Variants in HECW2 observed in about 807,000 individuals in gnomAD.
The protein encoded by HECW2 is E3 ubiquitin-protein ligase HECW2.
A neutral mutation model predicts 175.2 loss-of-function variants in HECW2; 61 were observed. The observed-to-expected ratio is 0.35, with a 90% CI of 0.28 to 0.43. The LOEUF is 0.43. Among genes scored for constraint, HECW2 ranks in the 20% least tolerant of loss-of-function variants. The pLI, the probability that HECW2 is intolerant of heterozygous loss-of-function variation, is 1.00. For synonymous variants in HECW2, 671 were observed against 731.0 expected, an observed-to-expected ratio of 0.92 and a Z score of 1.32; for missense variants, 1,524 against 2,000.5, an observed-to-expected ratio of 0.76 and a Z score of 4.54.
intron 13 of HECW2, among the ~76,000 whole-genome samples, chr2:196,304,419 A>C (rs1233757400): frequency 6.6e-6 from 1 of 152,204 alleles, no homozygotes; most frequent in Non-Finnish European, 1.5e-5. Context: ...ACTCTATCCC[A>C]GTGTGTGGTT....
At position 196,322,463 on chromosome 2, in the gene HECW2, G is replaced by GT. The variant is rs1204179170; in HGVS notation, c.884+14dup. The stretch of plus-strand genomic sequence containing the variant: ...ACTAATCTCAACAAGATCCCCAAAG[G>GT]TAAGGGCTGATTACCCGATGGCTTG... On this transcript the variant is annotated intron_variant, in intron 7 of 28. Coordinates refer to ENST00000644978, the MANE Select transcript of HECW2 (RefSeq NM_001348768.2). 6.2e-7 allele frequency: 1 copy of GT among 1,610,330 alleles called. No individual in the cohort carries two copies. Among genetic ancestry groups the GT allele is most frequent in the Admixed American group, 1.7e-5 (1 of 59,292 alleles).
intron 1 of HECW2, among the ~76,000 whole-genome samples, chr2:196,505,753 A>G (rs1687738027): frequency 6.6e-6 from 1 of 152,200 alleles, no homozygotes; most frequent in African/African-American, 2.4e-5. Flanking sequence ...ATACTAATAA[A>G]TTTGGATCTT....
rs755596278 is a variant in HECW2 at position 196,433,459 on chromosome 2, C to T, written c.-35-1G>A. On this transcript the variant is annotated splice_acceptor_variant, in intron 1 of 28. Coordinates refer to ENST00000644978, the MANE Select transcript of HECW2 (RefSeq NM_001348768.2). LOFTEE classifies it low-confidence loss of function (5UTR_SPLICE). ...TCTCTGGGATTGGCTGCCTACAAAG[C>T]TGCAAGAGACAGATAAACATAAAAC... The T allele has an allele frequency of 8.8e-6, 14 of 1,588,010 alleles. No individual in the cohort carries two copies. In the South Asian group the frequency reaches 1.6e-4, roughly 18 times the overall value.
chr2:196,497,961 T>G (rs989069871), intron 1 of HECW2, among the ~76,000 whole-genome samples: 1 of 152,226 alleles, frequency 6.6e-6, no homozygotes, highest in Non-Finnish European at 1.5e-5. Context: ...AACCTAAGCA[T>G]GAAAATAGAG....
chr2:196,294,265 A>G (rs1227340566), intron 13 of HECW2, among the ~76,000 whole-genome samples: 1 of 152,304 alleles, frequency 6.6e-6, no homozygotes, highest in East Asian at 1.9e-4. Context: ...ACAGCAGAAG[A>G]GGAATAACTG....
rs1042037039 is a variant in HECW2, at chr2:196,435,283, A to G, written c.-35-1825T>C. ...TACCATAAAAGAATCCATAATTATT[A>G]GAAAATCTCCAATCTATGAAGCTTA... On this transcript the variant is annotated intron_variant, in intron 1 of 28. Coordinates refer to ENST00000644978, the MANE Select transcript of HECW2 (RefSeq NM_001348768.2). Among the ~76,000 whole-genome samples the G allele has an allele frequency of 1.3e-5, 2 of 152,226 alleles. 1 individual carries two copies. The highest frequency in any genetic ancestry group is 2.9e-5 in the Non-Finnish European group (2 of 68,040).
At chr2:196,587,194 C>A (rs1575702278) in intron 1 of HECW2, among the ~76,000 whole-genome samples, 1 of 152,296 alleles carries the variant, frequency 6.6e-6, no homozygotes, top group Non-Finnish European at 1.5e-5. Flanking sequence ...GTGTGCCTGT[C>A]CTAGAAAACT....
chr2:196,208,077 G>A lies in HECW2; in HGVS notation c.4608-6689C>T, dbSNP rs946150647. Reference sequence around the variant, plus strand: ...GTAAGTCCAAACAAAATACAAACACGCTGGGTGAATATGGCACATTTCTCA... The same window carrying A: ...GTAAGTCCAAACAAAATACAAACACACTGGGTGAATATGGCACATTTCTCA... On this transcript the variant is annotated intron_variant, in intron 28 of 28. Coordinates refer to ENST00000644978, the MANE Select transcript of HECW2 (RefSeq NM_001348768.2). 2.6e-5 allele frequency among the ~76,000 whole-genome samples: 4 copies of A among 152,284 alleles called. No homozygotes were observed. In the East Asian group the frequency reaches 5.8e-4, roughly 22 times the overall value.
At chr2:196,245,934 G>A (rs1201280236) in intron 19 of HECW2, among the ~76,000 whole-genome samples, 1 of 152,186 alleles carries the variant, frequency 6.6e-6, no homozygotes, top group Non-Finnish European at 1.5e-5. Context: ...AATGTGTAAA[G>A]ACCCAGAATG....
chr2:196,451,914 A>G (rs982978172), intron 1 of HECW2, among the ~76,000 whole-genome samples: 1 of 152,190 alleles, frequency 6.6e-6, no homozygotes, highest in African/African-American at 2.4e-5. Context: ...GTAAATAAAT[A>G]AGAAATGATT....
chr2:196,548,329 C>CAA (rs567517422), intron 1 of HECW2, among the ~76,000 whole-genome samples: 6 of 73,892 alleles, frequency 8.1e-5, no homozygotes, highest in Admixed American at 1.7e-4. Context: ...GACTCCATCT[C>CAA]AAAAAAAAAA....
chr2:196,335,102 A>T (rs980386849), intron 3 of HECW2, among the ~76,000 whole-genome samples: 4 of 152,194 alleles, frequency 2.6e-5, no homozygotes, highest in African/African-American at 9.7e-5. Context: ...GGATCTGTAA[A>T]TTTATATTAT....
chr2:196,333,753 T>C (rs1324730419), intron 4 of HECW2, among the ~76,000 whole-genome samples: 2 of 152,218 alleles, frequency 1.3e-5, no homozygotes, highest in Non-Finnish European at 2.9e-5. Flanking sequence ...AATTGCCATG[T>C]TGGAAATGGG....
chr2:196,383,117 T>C (rs185267359), intron 2 of HECW2, among the ~76,000 whole-genome samples: 1 of 152,160 alleles, frequency 6.6e-6, no homozygotes, highest in East Asian at 1.9e-4. Context: ...TATAGATAAG[T>C]TGAAGAGGTT....
Position 196,271,181 on chromosome 2 carries a change from T to G in HECW2, c.3335+12A>C. 6.7e-7 allele frequency: 1 copy of G among 1,491,716 alleles called. No homozygotes were observed. The highest frequency in any genetic ancestry group is 9.3e-7 in the Non-Finnish European group (1 of 1,069,686). 92.4% of individuals were successfully genotyped at this position (1,491,716 alleles called of 1,614,324 possible). A position where few individuals can be genotyped will look rare whatever the true frequency, so the allele number is the denominator to read the frequency against. ...TTATGCAACTTGAACCAAATACCAA[T>G]ATTATTGTTACCTGAGTGAGTGATT... On this transcript the variant is annotated intron_variant, in intron 17 of 28. Transcript: ENST00000644978.
intron 15 of HECW2, among the ~76,000 whole-genome samples, chr2:196,274,532 G>C (rs1689867863): frequency 6.6e-6 from 1 of 152,240 alleles, no homozygotes; most frequent in South Asian, 2.1e-4. Context: ...GCAGTGCCAA[G>C]ATATTTCTTC....
At chr2:196,258,895 C>A (rs73042384) in intron 17 of HECW2, among the ~76,000 whole-genome samples, 8,421 of 152,166 alleles carry the variant, frequency 0.055, 757 homozygotes, top group African/African-American at 0.19. Flanking sequence ...ATCACTGATA[C>A]AAGTATTTAT....
intron 28 of HECW2, among the ~76,000 whole-genome samples, chr2:196,202,779 A>G (rs1198489927): frequency 1.3e-5 from 2 of 152,222 alleles, no homozygotes; most frequent in African/African-American, 2.4e-5. Flanking sequence ...TTGTAAGAAT[A>G]CAGATAGAGT....
chr2:196,201,558 C>A (rs747741980), intron 28 of HECW2, among the ~76,000 whole-genome samples, 170 bp from the exon 29 acceptor site: 2 of 151,822 alleles, frequency 1.3e-5, no homozygotes, highest in African/African-American at 2.4e-5. Flanking sequence ...ACATTTTGAC[C>A]TTAAAAATTC....
Sources: allele counts gnomAD v4.1 joint callset (sites outside exome capture counted in the v4.1 genomes callset), GRCh38; gene constraint gnomAD v4.1.1; transcripts MANE v1.5; gene names NCBI Gene and HGNC (gene_info 2026-07-23, HGNC 2026-07-21).